Variants in PRG4 observed in about 807,000 individuals in gnomAD.
PRG4 encodes articular superficial zone protein.
A neutral mutation model predicts 91.2 loss-of-function variants in PRG4; 61 were observed. The ratio of observed to expected loss-of-function variants is 0.67; its 90% CI spans 0.54 to 0.83. The LOEUF (loss-of-function observed/expected upper bound fraction) is 0.83, where lower values mean the gene tolerates loss of function less well. Ranked by LOEUF, PRG4 falls within the 40% of genes least tolerant of loss-of-function variation. The pLI, the probability that PRG4 is intolerant of heterozygous loss-of-function variation, is 0.00. For missense variants in PRG4, 1,564 were observed against 1,714.2 expected (o/e 0.91, Z 1.55); for synonymous variants, 576 against 614.2 (o/e 0.94, Z 0.92).
rs200387997 is a variant in PRG4, at chr1:186,296,858, C to T, written c.-18C>T. The T allele has an allele frequency of 3.3e-5, 53 of 1,595,068 alleles. No homozygotes were observed. The highest frequency in any genetic ancestry group is 3.3e-4 in the Middle Eastern group (2 of 6,042). The stretch of plus-strand genomic sequence containing the variant: ...ATTTTATTTTCAGCAAGGGTACCTA[C>T]GGTACCTGAAAACAACGATGGCATG... On this transcript the variant is annotated 5_prime_UTR_variant, in exon 2 of 13. In the 5' UTR this introduces an upstream ATG that the reference lacks. Coordinates refer to ENST00000445192, the MANE Select transcript of PRG4 (RefSeq NM_005807.6).
chr1:186,307,269 C>T lies in PRG4; in HGVS notation c.1550C>T (p.Thr517Ile), dbSNP rs377646350. ...APTTTKEPSP[T>I]TPKEPAPTTT... ...ACCACCACCAAGGAGCCTTCACCCA[C>T]CACTCCCAAGGAGCCTGCACCCACC... Residue 517 changes from threonine to isoleucine, a missense_variant, in exon 7 of 13, where the codon ACC (threonine) becomes ATC (isoleucine). Around this residue, in one of 3 missense-constraint regions of PRG4, gnomAD observed 1,079 missense variants for 1,162.2 expected, o/e 0.93. Coordinates refer to ENST00000445192, the MANE Select transcript of PRG4 (RefSeq NM_005807.6). The T allele has an allele frequency of 1.0e-4, 166 of 1,601,576 alleles. No homozygotes were observed. The highest frequency in any genetic ancestry group is 1.4e-4 in the Non-Finnish European group (160 of 1,175,622).
chr1:186,298,795 A>G (rs1178920438), intron 2 of PRG4, among the ~76,000 whole-genome samples: 2 of 152,190 alleles, frequency 1.3e-5, no homozygotes, highest in Admixed American at 6.5e-5. Flanking sequence ...TCTGCCAACT[A>G]TAAAAGAGCA....
At chr1:186,299,301 C>T (rs1284850595) in intron 2 of PRG4, among the ~76,000 whole-genome samples, 1 of 152,214 alleles carries the variant, frequency 6.6e-6, no homozygotes. Context: ...TGGTTGTAAG[C>T]ATCTGCCTCC....
chr1:186,312,129 T>C (rs376436154), intron 10 of PRG4, 46 bp from the exon 11 acceptor site: 2 of 1,561,704 alleles, frequency 1.3e-6, no homozygotes, highest in Non-Finnish European at 8.8e-7. Context: ...TCTGAGGGTA[T>C]TAAAATTAAT....
At chr1:186,297,488 A>G (rs1027526821) in intron 2 of PRG4, among the ~76,000 whole-genome samples, 4 of 152,234 alleles carry the variant, frequency 2.6e-5, no homozygotes, top group Admixed American at 1.3e-4. Context: ...GTATGGACAT[A>G]TACAGATGTG....
intron 11 of PRG4, 167 bp downstream of exon 11, chr1:186,312,539 T>C: frequency 1.2e-6 from 1 of 814,046 alleles, no homozygotes; most frequent in Non-Finnish European, 1.9e-6. Context: ...CAAAGACCAA[T>C]ACTTTCTTTT....
chr1:186,306,272 GA>G lies in PRG4; in HGVS notation c.599-37del, dbSNP rs373986292. On this transcript the variant is annotated intron_variant, in intron 6 of 12. Coordinates refer to ENST00000445192, the MANE Select transcript of PRG4 (RefSeq NM_005807.6). ...ATGGGATCTTTATGTCACTATTAAA[GA>G]AAAAAAAATATTCTAAAATAACAAG... The G allele has an allele frequency of 2.6e-4, 373 of 1,435,372 alleles. 3 individuals are homozygous for G. The highest frequency in any genetic ancestry group is 1.7e-3 in the South Asian group (129 of 77,424). The allele number at this position is 1,435,372 out of a possible 1,614,324, so 88.9% of individuals were successfully genotyped here.
rs139716235 is a variant in PRG4 at position 186,298,941 on chromosome 1, G to T, written c.77-1150G>T. Among the ~76,000 whole-genome samples, 355 of 151,814 alleles carry T rather than the reference G, an allele frequency of 2.3e-3. 2 individuals carry two copies. The highest frequency in any genetic ancestry group is 8.2e-3 in the African/African-American group (340 of 41,358). ...TTGTATGCATTATGCACTCATGTACGCAAAAAGTTCTGAAAGTTGTCCTAC... is the reference window on the plus strand; with the variant it reads ...TTGTATGCATTATGCACTCATGTACTCAAAAAGTTCTGAAAGTTGTCCTAC... On this transcript the variant is annotated intron_variant, in intron 2 of 12. Coordinates refer to ENST00000445192, the MANE Select transcript of PRG4 (RefSeq NM_005807.6).
chr1:186,298,294 A>G (rs1177226509), intron 2 of PRG4, among the ~76,000 whole-genome samples: 6 of 152,110 alleles, frequency 3.9e-5, no homozygotes, highest in Non-Finnish European at 7.3e-5. Context: ...AGGCAAGAGG[A>G]TATCTTGAAT....
intron 10 of PRG4, 99 bp from the exon 11 acceptor site, chr1:186,312,073 GAAC>G: frequency 2.1e-6 from 2 of 936,922 alleles, no homozygotes; most frequent in Admixed American, 2.1e-5. Context: ...TGAAAAATGA[GAAC>G]AAAACTGTTT....
At position 186,314,307 on chromosome 1, in the gene PRG4, T is replaced by A; in HGVS notation, c.*529T>A. Reference sequence around the variant, plus strand: ...AGCTTTATCGTGTTGTATAAAAAAATTAACAATATAATGGCAATAGGTAGA... The same window carrying A: ...AGCTTTATCGTGTTGTATAAAAAAAATAACAATATAATGGCAATAGGTAGA... On this transcript the variant is annotated 3_prime_UTR_variant, in exon 13 of 13. Transcript: ENST00000445192. The A allele has an allele frequency of 2.5e-6, 1 of 399,390 alleles. No individual in the cohort carries two copies. The highest frequency in any genetic ancestry group is 4.1e-5 in the Admixed American group (1 of 24,098). 24.7% of individuals were successfully genotyped at this position (399,390 alleles called of 1,614,324 possible).
chr1:186,306,234 G>C, intron 6 of PRG4, 84 bp from the exon 7 acceptor site: 4 of 1,134,332 alleles, frequency 3.5e-6, no homozygotes, highest in Non-Finnish European at 1.2e-6. Context: ...CACACAACTA[G>C]TCAATGATAA....
intron 7 of PRG4, 55 bp from the exon 8 acceptor site, chr1:186,309,738 T>TAC (rs1407080541): frequency 1.6e-6 from 2 of 1,288,820 alleles, no homozygotes; most frequent in African/African-American, 2.9e-5. Context: ...GAAAAGAACA[T>TAC]ACAGACTTTT....
chr1:186,312,227 T>C lies in PRG4; in HGVS notation c.3846T>C (p.Pro1282=), dbSNP rs755610521. The change falls in exon 11 of 13, where the codon CCT becomes CCC. Residue 1282 remains proline, a synonymous_variant. Transcript: ENST00000445192. The part of the protein sequence containing the change: ...IYKQEPVQKC[P]GRRPALNYPV... ...AACAGGAACCTGTACAGAAGTGCCC[T>C]GGAAGAAGGCCTGCTCTAAATTATC... The C allele has an allele frequency of 1.2e-6, 2 of 1,613,964 alleles. No individual in the cohort carries two copies. The highest frequency in any genetic ancestry group is 1.7e-6 in the Non-Finnish European group (2 of 1,179,970).
rs528408399 is a variant in PRG4, at chr1:186,314,198, GAC to G, written c.*424_*425del. On this transcript the variant is annotated 3_prime_UTR_variant, in exon 13 of 13. Coordinates refer to ENST00000445192, the MANE Select transcript of PRG4 (RefSeq NM_005807.6). ...CAAGCAGATTAATCCCTCTTTTTGT[GAC>G]ACAAGTACAATCTAAAAGTTATATT... 6.4e-4 allele frequency: 370 copies of G among 577,044 alleles called. 4 individuals are homozygous for G. In the East Asian group the frequency reaches 0.011, roughly 17 times the overall value. 35.7% of individuals were successfully genotyped at this position (577,044 alleles called of 1,614,324 possible).
intron 2 of PRG4, among the ~76,000 whole-genome samples, chr1:186,297,614 C>T (rs1369904980): frequency 6.6e-6 from 1 of 152,154 alleles, no homozygotes; most frequent in African/African-American, 2.4e-5. Flanking sequence ...AGTGAAATCA[C>T]ATTAGTAAAA....
Position 186,307,538 on chromosome 1 carries a change from G to C in PRG4, c.1819G>C (p.Glu607Gln), listed in dbSNP as rs560395930. 7 of 1,544,724 alleles carry C rather than the reference G, an allele frequency of 4.5e-6. No homozygotes were observed. The highest frequency in any genetic ancestry group is 6.2e-6 in the Non-Finnish European group (7 of 1,137,630). ...TKKPAPTTPK[E>Q]PAPTTPKETA... is the part of the protein sequence containing the mutation. ...GAAGCCTGCACCCACCACTCCCAAA[G>C]AGCCTGCCCCAACTACCCCCAAGGA... The change falls in exon 7 of 13, where the codon GAG becomes CAG. Residue 607 changes from glutamate (E) to glutamine (Q), a missense_variant. Around this residue, in one of 3 missense-constraint regions of PRG4, gnomAD observed 1,079 missense variants for 1,162.2 expected, o/e 0.93. Transcript: ENST00000445192.
At chr1:186,301,453 T>G (rs1264193819) in intron 3 of PRG4, 139 bp from the exon 4 acceptor site, 1 of 1,237,864 alleles carries the variant, frequency 8.1e-7, no homozygotes, top group East Asian at 2.5e-5. Context: ...TCCTGGATGA[T>G]GTACTCCAAA....
chr1:186,297,161 A>G (rs1293988), intron 2 of PRG4, among the ~76,000 whole-genome samples: 94,743 of 152,006 alleles, frequency 0.62, 30,764 homozygotes, highest in East Asian at 0.95. Flanking sequence ...TTGAGCTTGT[A>G]TAAAGAATAA....
Sources: gnomAD v4.1 joint callset for allele counts (sites outside exome capture counted in the v4.1 genomes callset) on GRCh38, gnomAD v4.1.1 for gene constraint, gnomAD v4.1.1 regional missense constraint, MANE v1.5 for transcripts, NCBI Gene and HGNC (gene_info 2026-07-23, HGNC 2026-07-21) for gene names.